Variants in RAB3GAP1 observed in about 807,000 individuals in gnomAD.
RAB3GAP1 encodes RAB3 GTPase activating protein catalytic subunit 1.
A neutral mutation model predicts 130.7 loss-of-function variants in RAB3GAP1; 86 were observed. That is an observed-to-expected ratio of 0.66 (90% confidence interval 0.55 to 0.79). RAB3GAP1 has a LOEUF of 0.79. Ranked by LOEUF, RAB3GAP1 falls within the 30% of genes least tolerant of loss-of-function variation. The probability of loss-of-function intolerance (pLI) is 0.00; values close to 1 mark genes in which losing one functional copy is unlikely to be tolerated. For missense variants in RAB3GAP1, 1,029 were observed against 1,169.4 expected, an observed-to-expected ratio of 0.88 and a Z score of 1.75; for synonymous variants, 367 against 401.7, an observed-to-expected ratio of 0.91 and a Z score of 1.03.
chr2:135,114,951 T>G (rs575784089), intron 6 of RAB3GAP1, among the ~76,000 whole-genome samples: 7 of 152,366 alleles, frequency 4.6e-5, no homozygotes, highest in South Asian at 2.1e-4. Context: ...CAGTTTTCAT[T>G]CTGATGTTTT....
At chr2:135,064,755 G>GTTTT (rs746093269) in intron 3 of RAB3GAP1, among the ~76,000 whole-genome samples, 1 of 104,970 alleles carries the variant, frequency 9.5e-6, no homozygotes, top group Non-Finnish European at 2.1e-5. Flanking sequence ...GAGGTGTTTT[G>GTTTT]TTTTTTTTTT....
chr2:135,160,389 C>T (rs371074281), intron 19 of RAB3GAP1, among the ~76,000 whole-genome samples: 4 of 151,932 alleles, frequency 2.6e-5, no homozygotes, highest in East Asian at 1.9e-4. Context: ...ACACATTTTG[C>T]GGCCGGGCGC....
At chr2:135,086,571 CA>C (rs1245305591) in intron 3 of RAB3GAP1, among the ~76,000 whole-genome samples, 3 of 146,866 alleles carry the variant, frequency 2.0e-5, no homozygotes, top group South Asian at 2.2e-4. Context: ...TTGGATTGTT[CA>C]TTTTTTTTAT....
At chr2:135,117,696 G>GCTT (rs1198298600) in intron 7 of RAB3GAP1, among the ~76,000 whole-genome samples, 7 of 19,804 alleles carry the variant, frequency 3.5e-4, no homozygotes, top group African/African-American at 6.0e-4. Context: ...TTCTTCTTCT[G>GCTT]CTTCTTCTGC....
Position 135,117,504 on chromosome 2 carries a change from T to G in RAB3GAP1, c.648+2123T>G, listed in dbSNP as rs111412761. On this transcript the variant is annotated intron_variant, in intron 7 of 23. Transcript: ENST00000264158. Reference sequence around the variant, plus strand: ...TTCTGCTTCTTCTTCTGCTTCTTCTTCTTCTTCTGCTTCTTCTGCTTCTTC... The same window carrying G: ...TTCTGCTTCTTCTTCTGCTTCTTCTGCTTCTTCTGCTTCTTCTGCTTCTTC... Among the ~76,000 whole-genome samples the G allele has an allele frequency of 3.1e-3, 420 of 136,866 alleles. 1 individual carries two copies. The highest frequency in any genetic ancestry group is 9.6e-3 in the African/African-American group (335 of 34,782). The allele number at this position is 136,866 out of a possible 152,430, so 89.8% of individuals were successfully genotyped here.
At chr2:135,118,376 T>C (rs1453984248) in intron 7 of RAB3GAP1, among the ~76,000 whole-genome samples, 1 of 152,218 alleles carries the variant, frequency 6.6e-6, no homozygotes, top group Non-Finnish European at 1.5e-5. Flanking sequence ...TTGAGAGAAT[T>C]GAACTTAAGA....
At chr2:135,147,758 G>A (rs919595453) in intron 17 of RAB3GAP1, among the ~76,000 whole-genome samples, 3 of 151,706 alleles carry the variant, frequency 2.0e-5, no homozygotes, top group African/African-American at 4.8e-5. Flanking sequence ...AATTATTGGC[G>A]CCCACGACCA....
intron 17 of RAB3GAP1, among the ~76,000 whole-genome samples, chr2:135,143,660 C>T (rs948651535): frequency 4.6e-5 from 7 of 151,342 alleles, no homozygotes; most frequent in South Asian, 2.1e-4. Context: ...CAGGTTCATG[C>T]CATTGTCCTG....
chr2:135,102,275 C>G (rs1690469161), intron 5 of RAB3GAP1, among the ~76,000 whole-genome samples: 2 of 152,096 alleles, frequency 1.3e-5, no homozygotes, highest in Admixed American at 6.5e-5. Flanking sequence ...GGGCCATGAG[C>G]CAAGTAATGA....
chr2:135,092,359 G>A (rs901048739), intron 4 of RAB3GAP1, among the ~76,000 whole-genome samples: 8 of 152,200 alleles, frequency 5.3e-5, no homozygotes, highest in Non-Finnish European at 2.9e-5. Flanking sequence ...AAAAGCTGCT[G>A]TAGTAAAGAG....
chr2:135,128,388 T>C (rs191907849), intron 11 of RAB3GAP1, among the ~76,000 whole-genome samples: 342 of 152,326 alleles, frequency 2.2e-3, no homozygotes, highest in African/African-American at 6.0e-3. Context: ...CATAGGGTTA[T>C]TGGGAGGATC....
At chr2:135,069,733 C>T (rs1181067432) in intron 3 of RAB3GAP1, among the ~76,000 whole-genome samples, 1 of 152,164 alleles carries the variant, frequency 6.6e-6, no homozygotes, top group African/African-American at 2.4e-5. Flanking sequence ...AGAGAGCCTA[C>T]TGTGCAGTAG....
chr2:135,081,402 G>A (rs1219015364), intron 3 of RAB3GAP1, among the ~76,000 whole-genome samples: 2 of 136,478 alleles, frequency 1.5e-5, no homozygotes, highest in Non-Finnish European at 3.1e-5. Context: ...GTATATATGT[G>A]TGTGTATATA....
In RAB3GAP1 at chr2:135,130,072, G is replaced by C. The variant is rs1395252350; in HGVS notation, c.1051G>C (p.Glu351Gln). 1 of 1,612,276 alleles carries C rather than the reference G, an allele frequency of 6.2e-7. No individual in the cohort carries two copies. Among genetic ancestry groups the C allele is most frequent in the Non-Finnish European group, 8.5e-7 (1 of 1,178,714 alleles). Residue 351 changes from glutamate to glutamine, a missense_variant, in exon 12 of 24, where the codon GAG becomes CAG. Transcript: ENST00000264158. ...TGAGATTCTTGGACGATCTGCATTT[G>C]AGGAAGAAGGCAAAGGTAACCTACA... ...TDEILGRSAF[E>Q]EEGKETADIT...
intron 9 of RAB3GAP1, among the ~76,000 whole-genome samples, chr2:135,124,686 C>T (rs1426947827): frequency 6.6e-6 from 1 of 152,132 alleles, no homozygotes; most frequent in Non-Finnish European, 1.5e-5. Context: ...GAAAGACCTA[C>T]ACTTGCTTTA....
intron 10 of RAB3GAP1, 142 bp from the exon 11 acceptor site, chr2:135,126,441 T>C: frequency 1.1e-6 from 1 of 916,372 alleles, no homozygotes; most frequent in Non-Finnish European, 1.7e-6. Context: ...AATGGCTCCA[T>C]GTATCTGGAT....
intron 5 of RAB3GAP1, among the ~76,000 whole-genome samples, chr2:135,106,983 G>A (rs557860162): frequency 6.6e-6 from 1 of 151,750 alleles, no homozygotes; most frequent in South Asian, 2.1e-4. Flanking sequence ...AAATCTTATA[G>A]GCAGCAAGAG....
Position 135,168,410 on chromosome 2 carries a change from A to C in RAB3GAP1, c.2710-135A>C, listed in dbSNP as rs905557196. The stretch of plus-strand genomic sequence containing the variant: ...TGTTATGTGGTTTTTGAGTAATCTT[A>C]ACATATAGCTGACTGCATTACTGAG... On this transcript the variant is annotated intron_variant, in intron 23 of 23. Transcript: ENST00000264158. The C allele has an allele frequency of 6.0e-6, 5 of 826,926 alleles. No individual in the cohort carries two copies. In the African/African-American group the frequency reaches 8.3e-5, roughly 14 times the overall value. 51.2% of individuals were successfully genotyped at this position (826,926 alleles called of 1,614,324 possible).
intron 3 of RAB3GAP1, among the ~76,000 whole-genome samples, chr2:135,059,832 A>G (rs1395049442): frequency 6.6e-6 from 1 of 152,172 alleles, no homozygotes; most frequent in Non-Finnish European, 1.5e-5. Context: ...ACTAGATAGT[A>G]GTACATAAAT....
Sources: allele counts gnomAD v4.1 joint callset (sites outside exome capture counted in the v4.1 genomes callset), GRCh38; gene constraint gnomAD v4.1.1; transcripts MANE v1.5; gene names NCBI Gene and HGNC (gene_info 2026-07-23, HGNC 2026-07-21).